Variants in PCDH9 observed in about 807,000 individuals in gnomAD.
PCDH9 encodes the protein protocadherin 9, also known as protocadherin-9.
PCDH9 carries 24 observed loss-of-function variants against 70.6 expected under a neutral mutation model. The observed-to-expected ratio is 0.34, with a 90% confidence interval of 0.25 to 0.48. PCDH9 has a LOEUF of 0.48. PCDH9 is among the 20% of genes least tolerant of loss of function. The probability of loss-of-function intolerance (pLI) is 0.99; values close to 1 mark genes in which losing one functional copy is unlikely to be tolerated. For missense variants in PCDH9, 1,281 were observed against 1,503.6 expected (o/e 0.85, Z 2.45); for synonymous variants, 562 against 558.5 (o/e 1.01, Z -0.09).
chr13:66,957,934 G>A (rs1233167165), intron 2 of PCDH9, among the ~76,000 whole-genome samples: 1 of 152,092 alleles, frequency 6.6e-6, no homozygotes, highest in Non-Finnish European at 1.5e-5. Context: ...AATTTGAGAG[G>A]TGACATTACA....
chr13:67,176,143 T>G (rs2088446943), intron 2 of PCDH9, among the ~76,000 whole-genome samples: 1 of 152,144 alleles, frequency 6.6e-6, no homozygotes, highest in Non-Finnish European at 1.5e-5. Flanking sequence ...GAAAACTAGT[T>G]TCAATCCTTT....
In PCDH9 at chr13:67,224,782, C is replaced by A. The variant is rs544606704; in HGVS notation, c.3036+623G>T. 99 of 848,286 alleles carry A rather than the reference C, an allele frequency of 1.2e-4. No individual in the cohort carries two copies. The South Asian group carries it at 4.7e-3, about 40-fold the overall frequency. The allele number at this position is 848,286 out of a possible 1,614,324, so 52.5% of individuals were successfully genotyped here. ...TTTGGCCACTGCGGACACTAAAAAT[C>A]TTTCTATTAAGTACCGAATTTAATA... On this transcript the variant is annotated intron_variant, in intron 2 of 4. Transcript: ENST00000377865.
intron 4 of PCDH9, among the ~76,000 whole-genome samples, chr13:66,379,431 C>T (rs756952100): frequency 3.9e-5 from 6 of 152,088 alleles, no homozygotes; most frequent in Non-Finnish European, 5.9e-5. Flanking sequence ...ATTAGTGTCA[C>T]GTCACTCATT....
At chr13:66,852,296 G>A (rs1400330072) in intron 3 of PCDH9, among the ~76,000 whole-genome samples, 7 of 151,978 alleles carry the variant, frequency 4.6e-5, no homozygotes, top group Admixed American at 2.0e-4. Context: ...TTCCTAGAAA[G>A]TGTCATTCAG....
intron 4 of PCDH9, among the ~76,000 whole-genome samples, chr13:66,416,205 T>C (rs1593942433): frequency 6.6e-6 from 1 of 152,046 alleles, no homozygotes; most frequent in African/African-American, 2.4e-5. Flanking sequence ...TCTGAAACCA[T>C]CTTCTCCTTC....
At chr13:66,475,681 A>G (rs1005895306) in intron 4 of PCDH9, among the ~76,000 whole-genome samples, 4 of 152,108 alleles carry the variant, frequency 2.6e-5, no homozygotes, top group Non-Finnish European at 4.4e-5. Context: ...CTATTTAGTA[A>G]TGAACCCTCA....
chr13:66,827,672 C>T (rs1340870948), intron 3 of PCDH9, among the ~76,000 whole-genome samples: 1 of 152,144 alleles, frequency 6.6e-6, no homozygotes, highest in African/African-American at 2.4e-5. Context: ...TTGCATCATT[C>T]ATGAGAGATG....
intron 2 of PCDH9, among the ~76,000 whole-genome samples, chr13:67,135,306 G>GTCAGGT (rs1566446744): frequency 6.6e-6 from 1 of 151,974 alleles, no homozygotes; most frequent in Non-Finnish European, 1.5e-5. Flanking sequence ...AAGGTCCTGG[G>GTCAGGT]GAGATGTCAT....
chr13:66,465,376 C>T (rs974040431), intron 4 of PCDH9, among the ~76,000 whole-genome samples: 2 of 151,800 alleles, frequency 1.3e-5, no homozygotes, highest in Admixed American at 6.6e-5. Flanking sequence ...CTGAATCTAG[C>T]AGTATTTATA....
At chr13:66,528,513 T>A (rs1195066366) in intron 4 of PCDH9, among the ~76,000 whole-genome samples, 1 of 152,162 alleles carries the variant, frequency 6.6e-6, no homozygotes, top group Non-Finnish European at 1.5e-5. Flanking sequence ...ACTACTAAAC[T>A]ACACATAAAA....
chr13:67,140,842 G>A (rs900150472), intron 2 of PCDH9, among the ~76,000 whole-genome samples: 2 of 152,162 alleles, frequency 1.3e-5, no homozygotes, highest in Non-Finnish European at 2.9e-5. Flanking sequence ...CTGTTAGAAA[G>A]TTTAAAGTCA....
At chr13:66,562,445 A>G (rs370618824) in intron 4 of PCDH9, among the ~76,000 whole-genome samples, 79 of 152,284 alleles carry the variant, frequency 5.2e-4, no homozygotes, top group African/African-American at 1.9e-3. Flanking sequence ...TAAAAAAAAG[A>G]GGTTTAATGG....
At chr13:67,021,890 T>G (rs1412718990) in intron 2 of PCDH9, among the ~76,000 whole-genome samples, 1 of 152,014 alleles carries the variant, frequency 6.6e-6, no homozygotes, top group Non-Finnish European at 1.5e-5. Flanking sequence ...AAATTATTTT[T>G]GTTTTTTCTC....
At chr13:66,747,039 G>A (rs1393408896) in intron 3 of PCDH9, among the ~76,000 whole-genome samples, 2 of 152,092 alleles carry the variant, frequency 1.3e-5, no homozygotes, top group Non-Finnish European at 2.9e-5. Context: ...AATAAGATAC[G>A]ACTAAGTCTG....
chr13:66,415,309 T>A (rs1311753425), intron 4 of PCDH9, among the ~76,000 whole-genome samples: 2 of 151,942 alleles, frequency 1.3e-5, no homozygotes, highest in Non-Finnish European at 2.9e-5. Context: ...CCCAGGAGAG[T>A]GTTTATAATG....
chr13:66,922,371 T>G (rs556881463), intron 2 of PCDH9, among the ~76,000 whole-genome samples: 1 of 151,574 alleles, frequency 6.6e-6, no homozygotes, highest in Non-Finnish European at 1.5e-5. Flanking sequence ...TGCTTTATTT[T>G]TATGCAAACT....
intron 4 of PCDH9, among the ~76,000 whole-genome samples, chr13:66,512,123 A>G (rs1959505439): frequency 6.6e-6 from 1 of 152,066 alleles, no homozygotes; most frequent in Non-Finnish European, 1.5e-5. Context: ...CTTAAATCAT[A>G]TTTGTATTCA....
intron 4 of PCDH9, among the ~76,000 whole-genome samples, chr13:66,348,351 T>C (rs1465850287): frequency 6.6e-6 from 1 of 151,956 alleles, no homozygotes; most frequent in Admixed American, 6.6e-5. Context: ...AACTGCCCCA[T>C]GTCATAAACA....
intron 4 of PCDH9, among the ~76,000 whole-genome samples, chr13:66,531,895 T>A (rs760612148): frequency 5.9e-5 from 9 of 152,150 alleles, no homozygotes; most frequent in Non-Finnish European, 1.2e-4. Flanking sequence ...TAAGTTCTCT[T>A]GGCTGCAATT....
Sources: gnomAD v4.1 joint callset for allele counts (sites outside exome capture counted in the v4.1 genomes callset) on GRCh38, gnomAD v4.1.1 for gene constraint, MANE v1.5 for transcripts, NCBI Gene and HGNC (gene_info 2026-07-23, HGNC 2026-07-21) for gene names.